DGKI: variants seen among roughly 807,000 people sequenced by gnomAD.
DGKI encodes the protein diacylglycerol kinase iota, also known as DAG kinase iota.
In DGKI, 55 loss-of-function variants were observed where a neutral mutation model predicts 147.5. The observed-to-expected ratio is 0.37, with a 90% CI of 0.30 to 0.47. DGKI has a LOEUF of 0.47. Among genes scored for constraint, DGKI ranks in the 20% least tolerant of loss-of-function variants. DGKI has a pLI of 1.00. For synonymous variants in DGKI, 469 were observed against 477.1 expected (o/e 0.98, Z 0.22); for missense variants, 1,007 against 1,323.8 (o/e 0.76, Z 3.71).
intron 20 of DGKI, among the ~76,000 whole-genome samples, chr7:137,531,126 G>T (rs1309612793): frequency 6.6e-6 from 1 of 152,172 alleles, no homozygotes; most frequent in Non-Finnish European, 1.5e-5. Context: ...AAAAGGCAAA[G>T]GAGAAGTAAG....
intron 1 of DGKI, among the ~76,000 whole-genome samples, chr7:137,805,022 A>G (rs1386117955): frequency 6.6e-6 from 1 of 152,142 alleles, no homozygotes; most frequent in Non-Finnish European, 1.5e-5. Context: ...CTTATTACCT[A>G]CTTGTTTATA....
chr7:137,665,219 G>A (rs1028988349), intron 3 of DGKI, among the ~76,000 whole-genome samples: 22 of 152,186 alleles, frequency 1.4e-4, no homozygotes, highest in Non-Finnish European at 1.5e-5. Flanking sequence ...CGTATGAGGT[G>A]ATGGGGGCCT....
chr7:137,705,837 T>G (rs965859418), intron 1 of DGKI, among the ~76,000 whole-genome samples: 3 of 152,138 alleles, frequency 2.0e-5, no homozygotes, highest in Admixed American at 6.5e-5. Flanking sequence ...TTCTCTGATA[T>G]TCAATGTGAT....
chr7:137,565,064 TA>T (rs1818539283), intron 19 of DGKI, among the ~76,000 whole-genome samples: 1 of 152,260 alleles, frequency 6.6e-6, no homozygotes, highest in African/African-American at 2.4e-5. Flanking sequence ...TATGTCATTG[TA>T]ATTTCCTTAG....
At chr7:137,767,101 C>G (rs571365809) in intron 1 of DGKI, among the ~76,000 whole-genome samples, 1 of 152,262 alleles carries the variant, frequency 6.6e-6, no homozygotes, top group African/African-American at 2.4e-5. Flanking sequence ...GGGCCACTAC[C>G]AGATGAGCCT....
intron 19 of DGKI, among the ~76,000 whole-genome samples, chr7:137,566,585 G>A (rs912567583): frequency 2.6e-5 from 4 of 152,170 alleles, no homozygotes; most frequent in African/African-American, 9.7e-5. Context: ...TGCATTTGAT[G>A]CTAGCTGATG....
chr7:137,678,500 C>G, intron 3 of DGKI, 57 bp downstream of exon 3: 4 of 1,523,502 alleles, frequency 2.6e-6, no homozygotes, highest in Non-Finnish European at 3.6e-6. Flanking sequence ...GCAAGGTGAC[C>G]CCTCTATTCA....
At chr7:137,811,599 A>G (rs1249689569) in intron 1 of DGKI, among the ~76,000 whole-genome samples, 1 of 152,234 alleles carries the variant, frequency 6.6e-6, no homozygotes, top group African/African-American at 2.4e-5. Flanking sequence ...AAAACGTAGT[A>G]TAAGGGTTGT....
intron 30 of DGKI, among the ~76,000 whole-genome samples, chr7:137,399,255 A>T (rs935952656): frequency 4.6e-5 from 7 of 152,226 alleles, no homozygotes; most frequent in African/African-American, 1.4e-4. Flanking sequence ...CATGCCTTCC[A>T]TAAATAAATT....
Position 137,384,730 on chromosome 7 carries a change from CAG to C in DGKI, c.*6488_*6489del, listed in dbSNP as rs1156939912. ...AATTCTTGAAACTGTTCTTAACAAA[CAG>C]TATAGATTTGAGTTGTTTATACTGT... On this transcript the variant is annotated 3_prime_UTR_variant, in exon 33 of 33. Transcript: ENST00000614521. 6.6e-6 allele frequency: 1 copy of C among 152,026 alleles called. No individual in the cohort carries two copies. Among genetic ancestry groups the C allele is most frequent in the Non-Finnish European group, 1.5e-5 (1 of 67,978 alleles). The allele number at this position is 152,026 out of a possible 1,614,324, so 9.4% of individuals were successfully genotyped here.
chr7:137,479,904 G>A (rs895936908), intron 23 of DGKI, among the ~76,000 whole-genome samples: 4 of 151,920 alleles, frequency 2.6e-5, no homozygotes, highest in African/African-American at 9.7e-5. Flanking sequence ...TCTAACTACA[G>A]CCCCAAATAG....
chr7:137,706,305 G>A (rs1794021332), intron 1 of DGKI, among the ~76,000 whole-genome samples: 1 of 151,266 alleles, frequency 6.6e-6, no homozygotes, highest in South Asian at 2.1e-4. Flanking sequence ...CCTTTTCCTT[G>A]TTCTCTAGGT....
chr7:137,608,522 T>C (rs945297632), intron 10 of DGKI, among the ~76,000 whole-genome samples: 7 of 152,196 alleles, frequency 4.6e-5, no homozygotes, highest in African/African-American at 1.7e-4. Flanking sequence ...TGGTAGGGAT[T>C]ATCATGGCTC....
At chr7:137,582,248 T>G (rs1819222422) in intron 14 of DGKI, among the ~76,000 whole-genome samples, 1 of 152,238 alleles carries the variant, frequency 6.6e-6, no homozygotes, top group Middle Eastern at 3.4e-3. Flanking sequence ...ATATTTGCAA[T>G]AGTTACAGAG....
intron 21 of DGKI, among the ~76,000 whole-genome samples, chr7:137,492,835 G>A (rs1341746853): frequency 6.6e-6 from 1 of 152,174 alleles, no homozygotes; most frequent in Non-Finnish European, 1.5e-5. Flanking sequence ...CAGTGCAGCC[G>A]CAGATGCCTA....
chr7:137,547,883 C>T lies in DGKI; in HGVS notation c.2147+4486G>A, dbSNP rs751509214. Among the ~76,000 whole-genome samples the T allele has an allele frequency of 1.4e-4, 21 of 152,012 alleles. No individual in the cohort carries two copies. In the East Asian group the frequency reaches 3.1e-3, roughly 22 times the overall value. ...TTTCAATGGGGTCCTAAGCTGTGAG[C>T]GAGGAGTTAGCAGAAGATAAAGAGG... is the stretch of plus-strand genomic sequence containing the variant. On this transcript the variant is annotated intron_variant, in intron 20 of 32. Transcript: ENST00000614521.
At chr7:137,678,894 T>A (rs148269154) in intron 2 of DGKI, among the ~76,000 whole-genome samples, 2 of 152,222 alleles carry the variant, frequency 1.3e-5, no homozygotes, top group African/African-American at 4.8e-5. Context: ...GCTTTATCCA[T>A]GGAGGTGGAC....
At chr7:137,552,682 G>A in intron 19 of DGKI, 114 bp from the exon 20 acceptor site, 5 of 1,076,798 alleles carry the variant, frequency 4.6e-6, no homozygotes, top group East Asian at 4.9e-5. Context: ...ACCAAGGCAG[G>A]TGGATCACCG....
chr7:137,619,747 G>A (rs1366693373), intron 8 of DGKI, 77 bp downstream of exon 8: 3 of 1,117,824 alleles, frequency 2.7e-6, no homozygotes, highest in Admixed American at 3.5e-5. Flanking sequence ...CCAAAGACTA[G>A]TCTGGGGAGA....
Sources: allele counts gnomAD v4.1 joint callset (sites outside exome capture counted in the v4.1 genomes callset), GRCh38; gene constraint gnomAD v4.1.1; transcripts MANE v1.5; gene names NCBI Gene and HGNC (gene_info 2026-07-23, HGNC 2026-07-21).